Variants in KIAA0825 observed in about 807,000 individuals in gnomAD.
The protein encoded by KIAA0825 is KIAA0825.
A neutral mutation model predicts 147.6 loss-of-function variants in KIAA0825; 119 were observed. The observed-to-expected ratio is 0.81, with a 90% CI of 0.69 to 0.94. KIAA0825 has a LOEUF of 0.94. Among genes scored for constraint, KIAA0825 ranks in the 40% least tolerant of loss-of-function variants. KIAA0825 has a pLI of 0.00. For synonymous variants in KIAA0825, 470 were observed against 518.1 expected, an observed-to-expected ratio of 0.91 and a Z score of 1.26; for missense variants, 1,381 against 1,472.7, an observed-to-expected ratio of 0.94 and a Z score of 1.02.
At chr5:94,378,507 G>T (rs748246954) in intron 20 of KIAA0825, among the ~76,000 whole-genome samples, 7 of 150,164 alleles carry the variant, frequency 4.7e-5, no homozygotes, top group Non-Finnish European at 8.9e-5. Context: ...GTCTACCATT[G>T]ATGAGCATTT....
chr5:94,541,186 T>G (rs1773225821), intron 2 of KIAA0825, among the ~76,000 whole-genome samples: 1 of 152,218 alleles, frequency 6.6e-6, no homozygotes, highest in Non-Finnish European at 1.5e-5. Context: ...TACAGCTAGG[T>G]AAGGCCTGGG....
intron 17 of KIAA0825, among the ~76,000 whole-genome samples, chr5:94,392,982 C>G (rs1389015915): frequency 7.9e-6 from 1 of 126,168 alleles, no homozygotes; most frequent in Non-Finnish European, 1.7e-5. Flanking sequence ...ATACAGGTTG[C>G]AAAAAAAAAA....
At chr5:94,212,776 C>T (rs1394980735) in intron 20 of KIAA0825, among the ~76,000 whole-genome samples, 2 of 152,074 alleles carry the variant, frequency 1.3e-5, no homozygotes, top group Admixed American at 1.3e-4. Context: ...CTTTATTATC[C>T]CAGTAGAGAA....
intron 20 of KIAA0825, among the ~76,000 whole-genome samples, chr5:94,293,664 C>T (rs1398420167): frequency 6.6e-6 from 1 of 152,062 alleles, no homozygotes; most frequent in Non-Finnish European, 1.5e-5. Flanking sequence ...CCTGAATAGC[C>T]TTGTTAATTT....
intron 20 of KIAA0825, 65 bp from the exon 21 acceptor site, chr5:94,154,189 T>C: frequency 1.0e-6 from 1 of 991,548 alleles, no homozygotes; most frequent in Non-Finnish European, 1.6e-6. Flanking sequence ...ACTCAGTTAA[T>C]CAAGTCTTGA....
At chr5:94,320,892 C>T (rs1350520499) in intron 20 of KIAA0825, among the ~76,000 whole-genome samples, 1 of 152,004 alleles carries the variant, frequency 6.6e-6, no homozygotes, top group South Asian at 2.1e-4. Flanking sequence ...TTTTCTCAAC[C>T]AGCCTGATTC....
At chr5:94,544,040 C>T (rs1045356152) in intron 2 of KIAA0825, among the ~76,000 whole-genome samples, 3 of 152,202 alleles carry the variant, frequency 2.0e-5, no homozygotes, top group African/African-American at 7.2e-5. Flanking sequence ...TTTCTTAATA[C>T]ACTTGCTTTC....
intron 14 of KIAA0825, among the ~76,000 whole-genome samples, chr5:94,439,611 G>C (rs1343176545): frequency 6.6e-6 from 1 of 152,040 alleles, no homozygotes; most frequent in Non-Finnish European, 1.5e-5. Context: ...CTCTGTCTCT[G>C]TCTGTCTCTG....
intron 8 of KIAA0825, among the ~76,000 whole-genome samples, 184 bp downstream of exon 8, chr5:94,473,108 G>A (rs1315548892): frequency 6.6e-6 from 1 of 152,170 alleles, no homozygotes; most frequent in African/African-American, 2.4e-5. Context: ...GTTAGCACCA[G>A]GTATAAGTCC....
chr5:94,517,850 C>G (rs1229806007), intron 5 of KIAA0825, among the ~76,000 whole-genome samples: 1 of 151,966 alleles, frequency 6.6e-6, no homozygotes, highest in African/African-American at 2.4e-5. Context: ...ATTTTTCAGT[C>G]AGTAGATTAT....
At chr5:94,555,334 T>A (rs1776346451) in intron 2 of KIAA0825, among the ~76,000 whole-genome samples, 1 of 152,152 alleles carries the variant, frequency 6.6e-6, no homozygotes, top group Non-Finnish European at 1.5e-5. Context: ...TTCCATTCAA[T>A]TTATTTTCTC....
chr5:94,555,928 T>C (rs1390498272), intron 2 of KIAA0825, among the ~76,000 whole-genome samples: 1 of 152,228 alleles, frequency 6.6e-6, no homozygotes, highest in African/African-American at 2.4e-5. Context: ...TCAAGTATAG[T>C]AAAAGTTTAT....
At chr5:94,429,782 A>G (rs953391725) in intron 14 of KIAA0825, among the ~76,000 whole-genome samples, 2 of 152,204 alleles carry the variant, frequency 1.3e-5, no homozygotes, top group Non-Finnish European at 2.9e-5. Flanking sequence ...GCAGCCCCCA[A>G]GCGCCCAGAA....
At chr5:94,383,012 A>C (rs1422593157) in intron 20 of KIAA0825, among the ~76,000 whole-genome samples, 1 of 152,350 alleles carries the variant, frequency 6.6e-6, no homozygotes, top group South Asian at 2.1e-4. Context: ...GACATTTAAT[A>C]TTGTATAAAC....
chr5:94,510,347 C>G (rs1047419008), intron 5 of KIAA0825, among the ~76,000 whole-genome samples: 4 of 152,172 alleles, frequency 2.6e-5, no homozygotes, highest in Admixed American at 2.0e-4. Flanking sequence ...CTTGCACTTA[C>G]CTGCTAACTT....
intron 20 of KIAA0825, among the ~76,000 whole-genome samples, chr5:94,211,116 C>T (rs898042883): frequency 4.6e-5 from 7 of 152,146 alleles, no homozygotes; most frequent in African/African-American, 1.4e-4. Context: ...ATTTTTCCAA[C>T]TCTTTGTCTG....
chr5:94,266,376 A>G (rs1364954349), intron 20 of KIAA0825, among the ~76,000 whole-genome samples: 9 of 148,814 alleles, frequency 6.0e-5, no homozygotes, highest in African/African-American at 2.0e-4. Flanking sequence ...CAAATTAACA[A>G]CTCATGATGT....
At chr5:94,536,769 T>C (rs1421307288) in intron 3 of KIAA0825, among the ~76,000 whole-genome samples, 1 of 152,188 alleles carries the variant, frequency 6.6e-6, no homozygotes, top group South Asian at 2.1e-4. Context: ...TAAACTTTAA[T>C]TGCCTATTTC....
intron 20 of KIAA0825, among the ~76,000 whole-genome samples, chr5:94,223,136 C>A (rs1481989416): frequency 6.6e-6 from 1 of 152,168 alleles, no homozygotes; most frequent in African/African-American, 2.4e-5. Context: ...ACATTTTTGT[C>A]CAAACAATGC....
Sources: allele counts gnomAD v4.1 joint callset (sites outside exome capture counted in the v4.1 genomes callset), GRCh38; gene constraint gnomAD v4.1.1; transcripts MANE v1.5; gene names NCBI Gene and HGNC (gene_info 2026-07-23, HGNC 2026-07-21).